Variants in ADGRF3 observed in about 807,000 individuals in gnomAD.
ADGRF3 encodes the protein G protein-coupled receptor 113.
ADGRF3 carries 85 observed loss-of-function variants against 93.2 expected under a neutral mutation model. That is an observed-to-expected ratio of 0.91 (90% CI 0.77 to 1.09). ADGRF3 has a LOEUF of 1.09. Ranked by LOEUF, ADGRF3 falls within the 50% of genes least tolerant of loss-of-function variation. ADGRF3 has a pLI of 0.00. For missense variants in ADGRF3, 1,125 were observed against 1,246.2 expected (o/e 0.90, Z 1.46); for synonymous variants, 534 against 532.5 (o/e 1.00, Z -0.04).
In ADGRF3 at chr2:26,315,630, G is replaced by C; in HGVS notation, c.610C>G (p.Pro204Ala). ...AGGAGGATGGGACTGGGGCTCCCTG[G>C]GTGCCTCAGGAACCAGCTCAGGTTG... ...ATNLSWFLRH[P>A]GSPSPILLQP... The change falls in exon 5 of 14, where the codon CCA becomes GCA. Residue 204 changes from proline to alanine, a missense_variant. Transcript: ENST00000651242. The C allele has an allele frequency of 1.3e-6, 2 of 1,551,610 alleles. No homozygotes were observed. Among genetic ancestry groups the C allele is most frequent in the Non-Finnish European group, 1.7e-6 (2 of 1,146,990 alleles).
intron 12 of ADGRF3, 155 bp downstream of exon 12, chr2:26,309,888 G>A: frequency 6.5e-7 from 1 of 1,535,970 alleles, no homozygotes; most frequent in South Asian, 1.2e-5. Context: ...TCATTCCACT[G>A]GTGGGGAGCT....
intron 1 of ADGRF3, among the ~76,000 whole-genome samples, chr2:26,327,941 A>T (rs993737568): frequency 6.6e-6 from 1 of 152,102 alleles, no homozygotes; most frequent in Non-Finnish European, 1.5e-5. Flanking sequence ...ACCCCTCAAC[A>T]CTGTGGCATT....
chr2:26,313,519 T>C lies in ADGRF3; in HGVS notation c.1127A>G (p.Lys376Arg). 1 of 1,612,010 alleles carries C rather than the reference T, an allele frequency of 6.2e-7. No individual in the cohort carries two copies. The highest frequency in any genetic ancestry group is 1.1e-5 in the South Asian group (1 of 90,660). The change falls in exon 8 of 14, where the codon AAG (lysine) becomes AGG (arginine). Residue 376 changes from lysine (K) to arginine (R), a missense_variant. By Grantham distance (26) the Lys-to-Arg change is conservative. Coordinates refer to ENST00000651242, the MANE Select transcript of ADGRF3 (RefSeq NM_001321971.2). The part of the protein sequence containing the change: ...DASVLTWNVT[K>R]AGHVAQAPCP... ...TGGGGCCTGTGCCACGTGGCCAGCC[T>C]TGGTGACATTCCAGGTGAGCACCGA... is the stretch of plus-strand genomic sequence containing the variant.
At chr2:26,324,463 C>T (rs1004465545) in intron 1 of ADGRF3, among the ~76,000 whole-genome samples, 16 of 151,866 alleles carry the variant, frequency 1.1e-4, no homozygotes, top group African/African-American at 3.9e-4. Context: ...GCCTAGTACC[C>T]ATTAGTTATT....
Position 26,311,650 on chromosome 2 carries a change from C to T in ADGRF3, c.1874G>A (p.Gly625Asp). 1 of 1,613,420 alleles carries T rather than the reference C, an allele frequency of 6.2e-7. No individual in the cohort carries two copies. Among genetic ancestry groups the T allele is most frequent in the Non-Finnish European group, 8.5e-7 (1 of 1,179,882 alleles). The stretch of plus-strand genomic sequence containing the variant: ...CTCTCCCTGGCTGAAGGCCCGGTCA[C>T]CTGCCATGATGGAAATGACAAGGAC... ...GLVLVISIMA[G>D]DRAFSQGEVI... Residue 625 changes from glycine to aspartate, a missense_variant, in exon 10 of 14, where the codon GGT becomes GAT. Coordinates refer to ENST00000651242, the MANE Select transcript of ADGRF3 (RefSeq NM_001321971.2).
chr2:26,320,386 C>T (rs2147893692), intron 1 of ADGRF3, among the ~76,000 whole-genome samples: 1 of 152,294 alleles, frequency 6.6e-6, no homozygotes, highest in East Asian at 1.9e-4. Flanking sequence ...ATCTCAGCTA[C>T]TTAGCAGGCT....
chr2:26,316,528 T>C (rs1014355044), intron 3 of ADGRF3, 80 bp from the exon 4 acceptor site: 1 of 1,416,994 alleles, frequency 7.1e-7, no homozygotes, highest in South Asian at 1.4e-5. Flanking sequence ...GCCTGATGCC[T>C]GAGAGGCTTT....
intron 1 of ADGRF3, among the ~76,000 whole-genome samples, chr2:26,318,290 G>A (rs11904514): frequency 0.88 from 134,571 of 152,218 alleles, 60,681 homozygotes; most frequent in Middle Eastern, 0.97. Context: ...ATAGATACGA[G>A]TATGGATAAG....
chr2:26,344,317 T>A (rs568954467), intron 1 of ADGRF3, among the ~76,000 whole-genome samples: 2 of 152,316 alleles, frequency 1.3e-5, no homozygotes, highest in African/African-American at 4.8e-5. Context: ...TTAGTTTTTG[T>A]ATTTTTAGTT....
chr2:26,313,187 C>T (rs1674345830), intron 8 of ADGRF3, 65 bp from the exon 9 acceptor site: 1 of 1,578,874 alleles, frequency 6.3e-7, no homozygotes, highest in Non-Finnish European at 8.7e-7. Context: ...AAGAGCATCC[C>T]AGACCCATGG....
rs1673888705 is a variant in ADGRF3, at chr2:26,309,809, G to C, written c.2938-228C>G. On this transcript the variant is annotated intron_variant, in intron 12 of 13. Coordinates refer to ENST00000651242, the MANE Select transcript of ADGRF3 (RefSeq NM_001321971.2). ...TTAGATGGAGAAACCAGAGAAAAGA[G>C]AGTCAGCAGGAGTCCAGGTGATAAT... 2.9e-6 allele frequency: 3 copies of C among 1,044,532 alleles called. No homozygotes were observed. In the Admixed American group the frequency reaches 8.0e-5, roughly 28 times the overall value. 64.7% of individuals were successfully genotyped at this position (1,044,532 alleles called of 1,614,324 possible). A position where few individuals can be genotyped will look rare whatever the true frequency, so the allele number is the denominator to read the frequency against.
In ADGRF3 at chr2:26,316,387, G is replaced by T. The variant is rs1272275534; in HGVS notation, c.387C>A (p.Asn129Lys). The change falls in exon 4 of 14, where the codon AAC (asparagine) becomes AAA (lysine). Residue 129 changes from asparagine (N) to lysine (K), a missense_variant. Asn to Lys is a moderately conservative substitution (Grantham distance 94, BLOSUM62 0). Transcript: ENST00000651242. ...GAGGGTAATGGAGGCAGATGCTGGT[G>T]TTCCACTGGTAGCCAGAGAGGCAAG... is the stretch of plus-strand genomic sequence containing the variant. ...YCACLSGYQW[N>K]TSICLHYPPC... The T allele has an allele frequency of 1.3e-6, 2 of 1,551,822 alleles. No individual in the cohort carries two copies. The highest frequency in any genetic ancestry group is 2.4e-5 in the South Asian group (2 of 84,064).
Position 26,311,013 on chromosome 2 carries a change from G to A in ADGRF3, c.2511C>T (p.Tyr837=), listed in dbSNP as rs566087671. ...CCCTCAGGTATTGCCCTTGAGGTAGGTAGAGCCCCAGGGTGACACCTGCCA... is the reference window on the plus strand; with the variant it reads ...CCCTCAGGTATTGCCCTTGAGGTAGATAGAGCCCCAGGGTGACACCTGCCA... ...LGLAGVTLGL[Y]LPQGQYLREG... Residue 837 remains tyrosine, a synonymous_variant, in exon 10 of 14, where the codon TAC becomes TAT. Transcript: ENST00000651242. 5.6e-6 allele frequency: 9 copies of A among 1,612,876 alleles called. No individual in the cohort carries two copies. In the South Asian group the frequency reaches 8.8e-5, roughly 16 times the overall value.
chr2:26,313,630 T>C lies in ADGRF3; in HGVS notation c.1073-57A>G, dbSNP rs951272295. On this transcript the variant is annotated intron_variant, in intron 7 of 13. Coordinates refer to ENST00000651242, the MANE Select transcript of ADGRF3 (RefSeq NM_001321971.2). ...ATCACAGCCTCACCTGAGCCTCTCC[T>C]TGGGCAGAACCCTATGCGGGCCCCG... The C allele has an allele frequency of 1.3e-4, 201 of 1,570,086 alleles. 1 individual carries two copies. Among genetic ancestry groups the C allele is most frequent in the Non-Finnish European group, 2.2e-5 (25 of 1,158,126 alleles).
At chr2:26,318,956 T>C (rs1674937924) in intron 1 of ADGRF3, 1 of 1,551,720 alleles carries the variant, frequency 6.4e-7, no homozygotes, top group Non-Finnish European at 8.7e-7. Flanking sequence ...CTCACCCCAG[T>C]CTCACTTACA....
chr2:26,327,719 G>GGA (rs1293746159), intron 1 of ADGRF3, among the ~76,000 whole-genome samples: 8 of 146,104 alleles, frequency 5.5e-5, no homozygotes, highest in African/African-American at 1.8e-4. Context: ...GGTGGGGGCG[G>GGA]GAGAGAGAGA....
chr2:26,330,239 A>ATC (rs539095978), intron 1 of ADGRF3, among the ~76,000 whole-genome samples: 3 of 152,068 alleles, frequency 2.0e-5, no homozygotes, highest in Non-Finnish European at 2.9e-5. Context: ...TGGATGGTCG[A>ATC]TCTCTTAGTG....
chr2:26,311,525 G>A lies in ADGRF3; in HGVS notation c.1999C>T (p.Gln667Ter). 1 of 1,614,016 alleles carries A rather than the reference G, an allele frequency of 6.2e-7. No homozygotes were observed. Among genetic ancestry groups the A allele is most frequent in the Non-Finnish European group, 8.5e-7 (1 of 1,179,902 alleles). ...GGGCTGGCACTGGCCACCTGTGCCT[G>A]GCACCCTTCTTTGGACCAACCCCCC... ...GRGGWSKEGC[Q>*]AQVASASPTA... is the part of the protein sequence containing the mutation. The change falls in exon 10 of 14, where the codon CAG becomes TAG. Residue 667 changes from glutamine (Q) to a stop codon, truncating the protein, a stop_gained. Coordinates refer to ENST00000651242, the MANE Select transcript of ADGRF3 (RefSeq NM_001321971.2). LOFTEE classifies it high-confidence loss of function.
rs374443216 is a variant in ADGRF3, at chr2:26,311,443, T to C, written c.2081A>G (p.His694Arg). The C allele has an allele frequency of 1.2e-6, 2 of 1,613,896 alleles. No homozygotes were observed. Among genetic ancestry groups the C allele is most frequent in the African/African-American group, 1.3e-5 (1 of 74,930 alleles). The change falls in exon 10 of 14, where the codon CAC (histidine) becomes CGC (arginine). Residue 694 changes from histidine to arginine, a missense_variant. His to Arg is a conservative substitution (Grantham distance 29). Coordinates refer to ENST00000651242, the MANE Select transcript of ADGRF3 (RefSeq NM_001321971.2). ...LTAFSVLMSP[H>R]TVPEEPALAL... ...CAGAGCGGGTTCTTCCGGAACAGTG[T>C]GTGGGGACATGAGGACGGAGAAGGC...
Sources: allele counts gnomAD v4.1 joint callset (sites outside exome capture counted in the v4.1 genomes callset), GRCh38; gene constraint gnomAD v4.1.1; transcripts MANE v1.5; gene names NCBI Gene and HGNC (gene_info 2026-07-23, HGNC 2026-07-21).